The following POMT1 variants were observed in gnomAD, a reference collection of about 807,000 sequenced individuals.
The protein encoded by POMT1 is protein O-mannosyltransferase 1.
A neutral mutation model predicts 101.6 loss-of-function variants in POMT1; 85 were observed. The observed-to-expected ratio is 0.84, with a 90% CI of 0.70 to 1.00. POMT1 has a LOEUF of 1.00. Ranked by LOEUF, POMT1 falls within the 50% of genes least tolerant of loss-of-function variation. The pLI, the probability that POMT1 is intolerant of heterozygous loss-of-function variation, is 0.00. For synonymous variants in POMT1, 371 were observed against 383.0 expected, an observed-to-expected ratio of 0.97 and a Z score of 0.37; for missense variants, 857 against 930.4, an observed-to-expected ratio of 0.92 and a Z score of 1.03.
At chr9:131,509,120 T>G (rs1946516532) in intron 6 of POMT1, 98 bp downstream of exon 6, 1 of 860,708 alleles carries the variant, frequency 1.2e-6, no homozygotes, top group Non-Finnish European at 1.9e-6. Context: ...TTTCGTTTTG[T>G]GAGACAGTAC....
intron 12 of POMT1, among the ~76,000 whole-genome samples, chr9:131,514,934 G>A (rs999250780): frequency 1.1e-4 from 16 of 152,214 alleles, no homozygotes; most frequent in African/African-American, 2.9e-4. Context: ...TCCAGCCTGG[G>A]TGACAGAGTG....
chr9:131,514,878 C>T (rs1246832236), intron 12 of POMT1, among the ~76,000 whole-genome samples: 1 of 152,196 alleles, frequency 6.6e-6, no homozygotes, highest in African/African-American at 2.4e-5. Flanking sequence ...ATCGCTTGAA[C>T]CCAGGAGGCA....
chr9:131,520,503 AGCTTACCGGT>A (rs1949705423), intron 17 of POMT1, among the ~76,000 whole-genome samples: 1 of 152,280 alleles, frequency 6.6e-6, no homozygotes, highest in South Asian at 2.1e-4. Context: ...CTGGTGGTGG[AGCTTACCGGT>A]GCTTTGCTGA....
intron 3 of POMT1, 43 bp downstream of exon 3, chr9:131,506,263 A>C: frequency 1.3e-6 from 2 of 1,594,114 alleles, no homozygotes; most frequent in Non-Finnish European, 1.7e-6. Context: ...TCAGGACCTC[A>C]AATACATTTA....
chr9:131,509,147 GT>G lies in POMT1; in HGVS notation c.539+127del, dbSNP rs1946529620. Reference sequence around the variant, plus strand: ...AGACAGTACCTTTTCATTTTGAGGAGTTGCTTGCTAAATATCTTTTTTTTTG... The same window carrying G: ...AGACAGTACCTTTTCATTTTGAGGAGTGCTTGCTAAATATCTTTTTTTTTG... On this transcript the variant is annotated intron_variant, in intron 6 of 19. Transcript: ENST00000402686. 9 of 725,988 alleles carry G rather than the reference GT, an allele frequency of 1.2e-5. No homozygotes were observed. In the Middle Eastern group the frequency reaches 9.3e-4, roughly 75 times the overall value. The allele number at this position is 725,988 out of a possible 1,614,324, so 45.0% of individuals were successfully genotyped here.
At position 131,507,481 on chromosome 9, in the gene POMT1, G is replaced by T. The variant is rs773033459; in HGVS notation, c.394G>T (p.Ala132Ser). 6.2e-7 allele frequency: 1 copy of T among 1,614,160 alleles called. No homozygotes were observed. Among genetic ancestry groups the T allele is most frequent in the Non-Finnish European group, 8.5e-7 (1 of 1,180,026 alleles). The change falls in exon 5 of 20, where the codon GCC becomes TCC. Residue 132 changes from alanine to serine, a missense_variant. By Grantham distance (99) the Ala-to-Ser change is moderately conservative. Coordinates refer to ENST00000402686, the MANE Select transcript of POMT1 (RefSeq NM_001077365.2). ...GTTGGAGCTCCACTTTTCTCATTGT[G>T]CCGCCATGGGAGCTGCTCTGTTGAT... ...IVLELHFSHCAAMGAALLMLI... is the reference protein window; with the variant it reads ...IVLELHFSHCSAMGAALLMLI...
chr9:131,515,659 C>T, intron 13 of POMT1, 137 bp downstream of exon 13: 1 of 813,992 alleles, frequency 1.2e-6, no homozygotes, highest in Admixed American at 2.0e-5. Flanking sequence ...AGCACTTCCT[C>T]TAACACGGAG....
In POMT1 at chr9:131,519,500, A is replaced by G. The variant is rs778442911; in HGVS notation, c.1584+14A>G. The G allele has an allele frequency of 3.9e-6, 6 of 1,548,606 alleles. No homozygotes were observed. The highest frequency in any genetic ancestry group is 2.4e-5 in the South Asian group (2 of 84,066). On this transcript the variant is annotated intron_variant, in intron 16 of 19. Coordinates refer to ENST00000402686, the MANE Select transcript of POMT1 (RefSeq NM_001077365.2). The surrounding 1 kb of genome is among the most constrained non-coding windows in gnomAD (Gnocchi z 4.3). ...TCGGAGCTGCAGGTGAGGAGCGGCC[A>G]GGGGAAGCTGGCCTAGCTCGCTGAG...
At chr9:131,506,673 C>A in intron 4 of POMT1, 1 of 585,542 alleles carries the variant, frequency 1.7e-6, no homozygotes. Context: ...CAGTTGCAGT[C>A]ATTATTTCAG....
At position 131,520,064 on chromosome 9, in the gene POMT1, C is replaced by T. The variant is rs1481982956; in HGVS notation, c.1585-16C>T. ...ATCCCCCATCCTCAATCTCAGAGGC[C>T]TCTGCTTTGTTCCAGTGGAGGATGC... On this transcript the variant is annotated splice_polypyrimidine_tract_variant and intron_variant, in intron 16 of 19. Coordinates refer to ENST00000402686, the MANE Select transcript of POMT1 (RefSeq NM_001077365.2). The T allele has an allele frequency of 4.3e-6, 7 of 1,609,302 alleles. No homozygotes were observed. Among genetic ancestry groups the T allele is most frequent in the African/African-American group, 1.3e-5 (1 of 74,820 alleles).
chr9:131,514,480 C>T (rs964380602), intron 12 of POMT1, among the ~76,000 whole-genome samples: 1 of 152,244 alleles, frequency 6.6e-6, no homozygotes, highest in South Asian at 2.1e-4. Flanking sequence ...TGGGTGCTGT[C>T]CCCCACCATT....
intron 5 of POMT1, 21 bp downstream of exon 5, chr9:131,507,535 T>C: frequency 6.2e-7 from 1 of 1,613,672 alleles, no homozygotes; most frequent in South Asian, 1.1e-5. Context: ...CGCCCCTGCC[T>C]GCTCTTGCTG....
At chr9:131,516,251 C>A (rs1948556213) in intron 13 of POMT1, among the ~76,000 whole-genome samples, 1 of 151,022 alleles carries the variant, frequency 6.6e-6, no homozygotes, top group African/African-American at 2.4e-5. Flanking sequence ...CGGAACACTT[C>A]CTCACACGGA....
chr9:131,519,527 A>G lies in POMT1; in HGVS notation c.1584+41A>G, dbSNP rs778411729. 6.5e-7 allele frequency: 1 copy of G among 1,537,836 alleles called. No homozygotes were observed. Among genetic ancestry groups the G allele is most frequent in the Non-Finnish European group, 8.8e-7 (1 of 1,140,238 alleles). Reference sequence around the variant, plus strand: ...GGGAAGCTGGCCTAGCTCGCTGAGCATTGACTCCTCAGCAGGGAGGCCTGG... The same window carrying G: ...GGGAAGCTGGCCTAGCTCGCTGAGCGTTGACTCCTCAGCAGGGAGGCCTGG... On this transcript the variant is annotated intron_variant, in intron 16 of 19. Transcript: ENST00000402686. The surrounding 1 kb of genome is among the most constrained non-coding windows in gnomAD (Gnocchi z 4.3).
Position 131,518,916 on chromosome 9 carries a change from G to A in POMT1, c.1445G>A (p.Gly482Glu), listed in dbSNP as rs1198675749. 1.9e-6 allele frequency: 3 copies of A among 1,613,808 alleles called. No homozygotes were observed. Among genetic ancestry groups the A allele is most frequent in the South Asian group, 1.1e-5 (1 of 91,088 alleles). The change falls in exon 15 of 20, where the codon GGG becomes GAG. Residue 482 changes from glycine (G) to glutamate (E), a missense_variant. Gly to Glu is a moderately conservative substitution (Grantham distance 98). Coordinates refer to ENST00000402686, the MANE Select transcript of POMT1 (RefSeq NM_001077365.2). ...VGEKLSRGYHGSTVWNVEEHR... is the reference protein window; with the variant it reads ...VGEKLSRGYHESTVWNVEEHR... ...GAGAAGCTGTCCCGGGGCTACCACGGGAGCACGGTGTGGAACGTGGAGGAG... is the reference window on the plus strand; with the variant it reads ...GAGAAGCTGTCCCGGGGCTACCACGAGAGCACGGTGTGGAACGTGGAGGAG...
At position 131,522,796 on chromosome 9, in the gene POMT1, G is replaced by A; in HGVS notation, c.2004-136G>A. The A allele has an allele frequency of 2.1e-6, 2 of 971,420 alleles. No homozygotes were observed. Among genetic ancestry groups the A allele is most frequent in the South Asian group, 2.8e-5 (2 of 70,522 alleles). 60.2% of individuals were successfully genotyped at this position (971,420 alleles called of 1,614,324 possible). On this transcript the variant is annotated intron_variant, in intron 19 of 19. Transcript: ENST00000402686. This position sits in a 1 kb window ranked among gnomAD's most constrained non-coding sequence, Gnocchi z 5.5. ...TGGGAGATGGTCATGGGTGGCAGGA[G>A]ACAAGACACAGAAACCTGAAGGCAG...
At chr9:131,512,434 T>C (rs981333847) in intron 11 of POMT1, among the ~76,000 whole-genome samples, 1 of 152,066 alleles carries the variant, frequency 6.6e-6, no homozygotes, top group Non-Finnish European at 1.5e-5. Flanking sequence ...AAAAGTAGCA[T>C]CATCTTGCAC....
rs556148765 is a variant in POMT1 at position 131,523,436 on chromosome 9, G to A, written c.*330G>A. 76 of 370,552 alleles carry A rather than the reference G, an allele frequency of 2.1e-4. No homozygotes were observed. In the East Asian group the frequency reaches 4.6e-3, roughly 23 times the overall value. 23.0% of individuals were successfully genotyped at this position (370,552 alleles called of 1,614,324 possible). A position where few individuals can be genotyped will look rare whatever the true frequency, so the allele number is the denominator to read the frequency against. Reference sequence around the variant, plus strand: ...CCAGCAGTGGAGCCTCAGCAGACCAGGGCCTGGTCCTTGCTAACTGCTGCA... The same window carrying A: ...CCAGCAGTGGAGCCTCAGCAGACCAAGGCCTGGTCCTTGCTAACTGCTGCA... On this transcript the variant is annotated 3_prime_UTR_variant, in exon 20 of 20. Coordinates refer to ENST00000402686, the MANE Select transcript of POMT1 (RefSeq NM_001077365.2).
At chr9:131,520,585 C>A (rs571832847) in intron 17 of POMT1, among the ~76,000 whole-genome samples, 43 of 152,352 alleles carry the variant, frequency 2.8e-4, no homozygotes, top group Non-Finnish European at 1.8e-4. Context: ...GCACAGTCAG[C>A]GCCCCATAAA....
Sources: gnomAD v4.1 joint callset for allele counts (sites outside exome capture counted in the v4.1 genomes callset) on GRCh38, gnomAD v4.1.1 for gene constraint, Gnocchi (gnomAD v3.1) non-coding constraint, MANE v1.5 for transcripts, NCBI Gene and HGNC (gene_info 2026-07-23, HGNC 2026-07-21) for gene names.